Variants in PAM observed in about 807,000 individuals in gnomAD.
The protein encoded by PAM is peptidyl-glycine alpha-amidating monooxygenase.
A neutral mutation model predicts 122.1 loss-of-function variants in PAM; 72 were observed. That is an observed-to-expected ratio of 0.59 (90% CI 0.49 to 0.72). The LOEUF (loss-of-function observed/expected upper bound fraction) is 0.72. Among genes scored for constraint, PAM ranks in the 30% least tolerant of loss-of-function variants. The probability of loss-of-function intolerance (pLI) is 0.00; values close to 1 mark genes in which losing one functional copy is unlikely to be tolerated. For synonymous variants in PAM, 389 were observed against 404.4 expected (o/e 0.96, Z 0.46); for missense variants, 1,106 against 1,183.7 (o/e 0.93, Z 0.96).
chr5:102,933,439 C>G (rs1416130626), intron 7 of PAM, among the ~76,000 whole-genome samples: 1 of 152,234 alleles, frequency 6.6e-6, no homozygotes, highest in Non-Finnish European at 1.5e-5. Context: ...TTTTTCCTTG[C>G]CCTCTTGCAT....
chr5:102,805,064 CTTTTTTTTT>C (rs527963126), intron 1 of PAM, among the ~76,000 whole-genome samples: 4 of 103,768 alleles, frequency 3.9e-5, no homozygotes, highest in Admixed American at 1.1e-4. Context: ...GGGAATTTTC[CTTTTTTTTT>C]TTTTTTTTTT....
chr5:102,833,763 C>A (rs1292800917), intron 1 of PAM, among the ~76,000 whole-genome samples: 1 of 152,136 alleles, frequency 6.6e-6, no homozygotes, highest in Non-Finnish European at 1.5e-5. Flanking sequence ...TGTTCCAATA[C>A]ATGGATTCCA....
rs1032189821 is a variant in PAM at position 102,813,075 on chromosome 5, GAAA to G, written c.-373-52739_-373-52737del. Among the ~76,000 whole-genome samples the G allele has an allele frequency of 8.4e-5, 12 of 143,316 alleles. No individual in the cohort carries two copies. In the South Asian group the frequency reaches 2.6e-3, roughly 31 times the overall value. 94.0% of individuals were successfully genotyped at this position (143,316 alleles called of 152,430 possible). ...GAGATGAAATCTATTTTGCTTATTT[GAAA>G]AAAAAAAACCTCACAGAGCTGTTGC... is the stretch of plus-strand genomic sequence containing the variant. On this transcript the variant is annotated intron_variant, in intron 1 of 25. Transcript: ENST00000438793.
chr5:102,972,764 C>A (rs1766252647), intron 14 of PAM, among the ~76,000 whole-genome samples: 1 of 152,206 alleles, frequency 6.6e-6, no homozygotes, highest in African/African-American at 2.4e-5. Flanking sequence ...TGTGCCCTAA[C>A]AGATTTGGTT....
chr5:103,017,385 A>G lies in PAM; in HGVS notation c.2383A>G (p.Ile795Val), dbSNP rs375271861. 1.9e-6 allele frequency: 3 copies of G among 1,612,416 alleles called. No homozygotes were observed. In the African/African-American group the frequency reaches 4.0e-5, roughly 22 times the overall value. ...IVASEDGTVY[I>V]GDAHTNTVWK... ...TGCATCTGAAGATGGGACTGTGTACATTGGAGATGCTCATACCAACACCGT... is the reference window on the plus strand; with the variant it reads ...TGCATCTGAAGATGGGACTGTGTACGTTGGAGATGCTCATACCAACACCGT... Residue 795 changes from isoleucine to valine, a missense_variant, in exon 22 of 26, where the codon ATT (isoleucine) becomes GTT (valine). Ile to Val is a conservative substitution (Grantham distance 29). Transcript: ENST00000438793.
intron 1 of PAM, among the ~76,000 whole-genome samples, chr5:102,801,970 G>T (rs1764874423): frequency 6.6e-6 from 1 of 150,500 alleles, no homozygotes; most frequent in Non-Finnish European, 1.5e-5. Context: ...AGTAGAGACG[G>T]GGTTTCACCG....
intron 7 of PAM, among the ~76,000 whole-genome samples, chr5:102,946,632 A>G (rs1757132816): frequency 6.7e-6 from 1 of 150,358 alleles, no homozygotes; most frequent in African/African-American, 2.5e-5. Context: ...GCATGAAATG[A>G]TAGTTTTGTT....
intron 16 of PAM, among the ~76,000 whole-genome samples, chr5:102,991,508 A>T (rs941573692): frequency 6.6e-6 from 1 of 152,122 alleles, no homozygotes; most frequent in African/African-American, 2.4e-5. Context: ...GTATAATTCA[A>T]TTGGTTTTCT....
intron 1 of PAM, among the ~76,000 whole-genome samples, chr5:102,815,256 C>T (rs761027566): frequency 5.3e-5 from 8 of 151,338 alleles, no homozygotes; most frequent in Non-Finnish European, 1.0e-4. Flanking sequence ...GGTTATAGAG[C>T]GAAGAAAGTA....
chr5:102,812,571 C>T (rs1047516292), intron 1 of PAM, among the ~76,000 whole-genome samples: 1 of 151,902 alleles, frequency 6.6e-6, no homozygotes, highest in African/African-American at 2.4e-5. Context: ...ACCTTAGGAC[C>T]CTTGCTTAGA....
At chr5:102,967,821 C>G (rs970871803) in intron 14 of PAM, among the ~76,000 whole-genome samples, 2 of 149,938 alleles carry the variant, frequency 1.3e-5, no homozygotes, top group African/African-American at 4.9e-5. Flanking sequence ...CTCCCAGATT[C>G]AAGCAATTCT....
rs199810170 is a variant in PAM at position 102,826,176 on chromosome 5, AT to A, written c.-373-39640del. On this transcript the variant is annotated intron_variant, in intron 1 of 25. Coordinates refer to ENST00000438793, the MANE Select transcript of PAM (RefSeq NM_001177306.2). ...ATTTAAAATGTTATAATAAAATTTT[AT>A]TTTTTTAACTTACTTAAAAACTTAC... is the stretch of plus-strand genomic sequence containing the variant. 9.7e-3 allele frequency among the ~76,000 whole-genome samples: 1,484 copies of A among 152,230 alleles called. 26 individuals are homozygous for A. Among genetic ancestry groups the A allele is most frequent in the African/African-American group, 0.034 (1,430 of 41,560 alleles).
chr5:102,933,122 A>T (rs1317971682), intron 7 of PAM, among the ~76,000 whole-genome samples: 1 of 152,176 alleles, frequency 6.6e-6, no homozygotes, highest in Non-Finnish European at 1.5e-5. Flanking sequence ...GAGAGAGGGG[A>T]TTGGAAAGCA....
intron 7 of PAM, among the ~76,000 whole-genome samples, chr5:102,927,271 C>A (rs565154288): frequency 2.6e-5 from 4 of 152,236 alleles, no homozygotes; most frequent in East Asian, 3.9e-4. Context: ...TACTATAGAT[C>A]GTTAGCATGA....
intron 1 of PAM, among the ~76,000 whole-genome samples, chr5:102,859,609 T>C (rs1044214643): frequency 6.6e-6 from 1 of 152,068 alleles, no homozygotes; most frequent in Non-Finnish European, 1.5e-5. Flanking sequence ...TAAAATAAAT[T>C]TAGTATAGCT....
At chr5:103,019,007 G>A (rs912189799) in intron 22 of PAM, among the ~76,000 whole-genome samples, 8 of 152,116 alleles carry the variant, frequency 5.3e-5, no homozygotes, top group Non-Finnish European at 7.4e-5. Flanking sequence ...AGCTCAGGTG[G>A]TTACACTCAC....
rs1055621303 is a variant in PAM at position 102,866,008 on chromosome 5, G to C, written c.-188G>C. ...GCCCACGGCTTTTTGCCCGCCGCTC[G>C]TGACCGAGACGCCTCGCCGCGGCCA... On this transcript the variant is annotated 5_prime_UTR_variant, in exon 2 of 26. Coordinates refer to ENST00000438793, the MANE Select transcript of PAM (RefSeq NM_001177306.2). 1.1e-5 allele frequency: 5 copies of C among 455,310 alleles called. No individual in the cohort carries two copies. The highest frequency in any genetic ancestry group is 1.0e-4 in the African/African-American group (5 of 48,110). The allele number at this position is 455,310 out of a possible 1,614,324, so 28.2% of individuals were successfully genotyped here. A position where few individuals can be genotyped will look rare whatever the true frequency, so the allele number is the denominator to read the frequency against.
chr5:102,822,279 TTCCA>T (rs1003961701), intron 1 of PAM, among the ~76,000 whole-genome samples: 31 of 152,328 alleles, frequency 2.0e-4, no homozygotes, highest in African/African-American at 7.2e-4. Context: ...TCTATTTATT[TTCCA>T]ACCTGCCTAT....
chr5:102,930,066 T>C (rs556525678), intron 7 of PAM, among the ~76,000 whole-genome samples: 1 of 152,270 alleles, frequency 6.6e-6, no homozygotes, highest in South Asian at 2.1e-4. Flanking sequence ...CATAAAATGT[T>C]TGCTTTACTT....
Sources: allele counts gnomAD v4.1 joint callset (sites outside exome capture counted in the v4.1 genomes callset), GRCh38; gene constraint gnomAD v4.1.1; transcripts MANE v1.5; gene names NCBI Gene and HGNC (gene_info 2026-07-23, HGNC 2026-07-21).